The following PIKFYVE variants were observed in gnomAD, a reference collection of about 807,000 sequenced individuals.
The protein encoded by PIKFYVE is phosphoinositide kinase, FYVE-type zinc finger containing.
PIKFYVE carries 122 observed loss-of-function variants against 257.9 expected under a neutral mutation model. The observed-to-expected ratio is 0.47, with a 90% CI of 0.41 to 0.55. PIKFYVE has a LOEUF of 0.55. PIKFYVE is among the 20% of genes least tolerant of loss of function. The pLI, the probability that PIKFYVE is intolerant of heterozygous loss-of-function variation, is 0.00. For missense variants in PIKFYVE, 2,160 were observed against 2,536.6 expected (o/e 0.85, Z 3.19); for synonymous variants, 892 against 868.9 (o/e 1.03, Z -0.47).
rs535711248 is a variant in PIKFYVE at position 208,287,868 on chromosome 2, A to G, written c.822-861A>G. ...GCCCGCCTCCCAAAGTGGTGGCATT[A>G]TAGGCATGAGCCACCATGCCCAGCC... On this transcript the variant is annotated intron_variant, in intron 6 of 41. Transcript: ENST00000264380. Among the ~76,000 whole-genome samples, 3 of 152,346 alleles carry G rather than the reference A, an allele frequency of 2.0e-5. No individual in the cohort carries two copies. In the East Asian group the frequency reaches 5.8e-4, roughly 29 times the overall value.
At chr2:208,336,959 A>C (rs1408022054) in intron 28 of PIKFYVE, 31 bp downstream of exon 28, 1 of 1,473,732 alleles carries the variant, frequency 6.8e-7, no homozygotes, top group Non-Finnish European at 9.5e-7. Flanking sequence ...TTTGGTCCTT[A>C]ATCAATAGAA....
intron 12 of PIKFYVE, among the ~76,000 whole-genome samples, chr2:208,307,964 AAATTAT>A (rs1412946027): frequency 2.0e-5 from 3 of 152,242 alleles, no homozygotes; most frequent in Non-Finnish European, 4.4e-5. Flanking sequence ...GTAAATTGAC[AAATTAT>A]AATTGTATGT....
At chr2:208,311,910 CAAGTATCTG>C (rs2125430411) in intron 12 of PIKFYVE, among the ~76,000 whole-genome samples, 1 of 152,266 alleles carries the variant, frequency 6.6e-6, no homozygotes, top group South Asian at 2.1e-4. Flanking sequence ...GATGGTCGTA[CAAGTATCTG>C]AAGATTTAAT....
chr2:208,324,841 T>G, intron 18 of PIKFYVE, 70 bp from the exon 19 acceptor site: 1 of 1,552,430 alleles, frequency 6.4e-7, no homozygotes, highest in East Asian at 2.3e-5. Flanking sequence ...TCCATTACTT[T>G]TCCAGATTAA....
At chr2:208,339,861 G>A (rs1364344156) in intron 30 of PIKFYVE, 150 bp from the exon 31 acceptor site, 20 of 959,882 alleles carry the variant, frequency 2.1e-5, no homozygotes, top group East Asian at 5.2e-5. Context: ...TTATCCCATA[G>A]TGGTCTTTTC....
intron 13 of PIKFYVE, 144 bp downstream of exon 13, chr2:208,312,439 T>C (rs1695033980): frequency 4.4e-6 from 3 of 676,468 alleles, no homozygotes; most frequent in African/African-American, 3.6e-5. Context: ...GTTTTTAATA[T>C]ATATAATGAT....
At chr2:208,325,096 A>G in intron 19 of PIKFYVE, 59 bp downstream of exon 19, 16 of 1,607,158 alleles carry the variant, frequency 1.0e-5, no homozygotes, top group Non-Finnish European at 1.3e-5. Flanking sequence ...CACTACTACA[A>G]TGTTTACTTA....
At chr2:208,335,228 T>C in intron 24 of PIKFYVE, 78 bp from the exon 25 acceptor site, 4 of 971,350 alleles carry the variant, frequency 4.1e-6, no homozygotes, top group South Asian at 1.3e-5. Flanking sequence ...TAGAATATAG[T>C]TGAACATCAT....
intron 2 of PIKFYVE, among the ~76,000 whole-genome samples, 188 bp downstream of exon 2, chr2:208,271,879 GAGAAAGCT>G (rs1689462343): frequency 6.6e-6 from 1 of 152,172 alleles, no homozygotes; most frequent in Non-Finnish European, 1.5e-5. Flanking sequence ...TACTGCTGAA[GAGAAAGCT>G]AGAATTTTCA....
chr2:208,345,093 A>G lies in PIKFYVE; in HGVS notation c.5028-18A>G. On this transcript the variant is annotated intron_variant, in intron 32 of 41. Coordinates refer to ENST00000264380, the MANE Select transcript of PIKFYVE (RefSeq NM_015040.4). ...AGAAGTTAATGTTTAACGTTTTTCA[A>G]CCTATTTCTGCCCTAAGTTGTAAAG... is the stretch of plus-strand genomic sequence containing the variant. The G allele has an allele frequency of 1.3e-6, 2 of 1,538,230 alleles. No homozygotes were observed. Among genetic ancestry groups the G allele is most frequent in the Non-Finnish European group, 1.8e-6 (2 of 1,110,832 alleles).
intron 41 of PIKFYVE, 115 bp downstream of exon 41, chr2:208,354,760 T>G (rs1700056397): frequency 2.4e-6 from 2 of 822,468 alleles, no homozygotes; most frequent in South Asian, 3.0e-5. Context: ...TATCATTGAT[T>G]TCATTGTCAT....
chr2:208,277,399 A>G, intron 4 of PIKFYVE, 138 bp from the exon 5 acceptor site: 1 of 872,496 alleles, frequency 1.1e-6, no homozygotes, highest in Admixed American at 2.2e-5. Context: ...TGTCTTGGTT[A>G]TTTTGACCTT....
intron 8 of PIKFYVE, among the ~76,000 whole-genome samples, chr2:208,299,701 T>C (rs1034091256): frequency 2.6e-5 from 4 of 152,266 alleles, no homozygotes; most frequent in South Asian, 2.1e-4. Flanking sequence ...ATGTTTGTTA[T>C]ACACATGTAA....
At chr2:208,317,171 G>T (rs563842111) in intron 15 of PIKFYVE, among the ~76,000 whole-genome samples, 52 of 151,464 alleles carry the variant, frequency 3.4e-4, no homozygotes, top group African/African-American at 1.3e-3. Context: ...CACAGCAAAA[G>T]AAACTACCAT....
intron 12 of PIKFYVE, among the ~76,000 whole-genome samples, chr2:208,307,364 A>G (rs1395791683): frequency 3.3e-5 from 5 of 152,346 alleles, no homozygotes; most frequent in African/African-American, 1.2e-4. Flanking sequence ...TCAGGAAAGA[A>G]TACACATGGT....
intron 3 of PIKFYVE, among the ~76,000 whole-genome samples, chr2:208,274,636 C>T (rs1689872290): frequency 6.6e-6 from 1 of 152,190 alleles, no homozygotes; most frequent in African/African-American, 2.4e-5. Context: ...GGCTGCATCA[C>T]CTGCACAGGT....
chr2:208,333,713 C>T (rs898901592), intron 24 of PIKFYVE, among the ~76,000 whole-genome samples: 7 of 152,180 alleles, frequency 4.6e-5, no homozygotes, highest in Non-Finnish European at 8.8e-5. Flanking sequence ...ACAGAGCTTA[C>T]GATCATTCAC....
chr2:208,325,149 C>T, intron 19 of PIKFYVE, 112 bp downstream of exon 19: 1 of 1,568,562 alleles, frequency 6.4e-7, no homozygotes, highest in South Asian at 1.1e-5. Context: ...GGATAGGCAA[C>T]TGTGATCTTA....
intron 13 of PIKFYVE, 73 bp downstream of exon 13, chr2:208,312,368 T>C (rs910145634): frequency 1.7e-6 from 2 of 1,186,014 alleles, no homozygotes; most frequent in South Asian, 1.3e-5. Flanking sequence ...GCTTAGCACA[T>C]TGATTAGCAC....
Sources: gnomAD v4.1 joint callset for allele counts (sites outside exome capture counted in the v4.1 genomes callset) on GRCh38, gnomAD v4.1.1 for gene constraint, MANE v1.5 for transcripts, NCBI Gene and HGNC (gene_info 2026-07-23, HGNC 2026-07-21) for gene names.